The following DOCK3 variants were observed in gnomAD, a reference collection of about 807,000 sequenced individuals.
The protein encoded by DOCK3 is dedicator of cytokinesis 3, also known as dedicator of cytokinesis protein 3.
A neutral mutation model predicts 265.6 loss-of-function variants in DOCK3; 60 were observed. The ratio of observed to expected loss-of-function variants is 0.23; its 90% confidence interval spans 0.18 to 0.28. The LOEUF (loss-of-function observed/expected upper bound fraction) is 0.28, where lower values mean the gene tolerates loss of function less well. DOCK3 is among the 10% of genes least tolerant of loss of function. The pLI is 1.00. For missense variants in DOCK3, 1,981 were observed against 2,594.3 expected (o/e 0.76, Z 5.14); for synonymous variants, 881 against 938.0 (o/e 0.94, Z 1.11).
chr3:51,211,329 GA>G (rs1482884392), intron 13 of DOCK3, among the ~76,000 whole-genome samples: 1 of 152,004 alleles, frequency 6.6e-6, no homozygotes, highest in Non-Finnish European at 1.5e-5. Context: ...GATTAACAGA[GA>G]AATTGTATAG....
At chr3:51,192,444 A>G (rs1241386230) in intron 12 of DOCK3, among the ~76,000 whole-genome samples, 2 of 151,222 alleles carry the variant, frequency 1.3e-5, no homozygotes, top group East Asian at 2.0e-4. Context: ...ACAGATGCCA[A>G]TGCCTCACAA....
intron 1 of DOCK3, among the ~76,000 whole-genome samples, chr3:50,706,790 CT>C (rs112056809): frequency 1.3e-4 from 19 of 148,964 alleles, no homozygotes; most frequent in South Asian, 6.4e-4. Context: ...CTTTTATATT[CT>C]TTTTTTTTTG....
At chr3:50,919,062 G>C (rs1394066211) in intron 4 of DOCK3, among the ~76,000 whole-genome samples, 1 of 152,194 alleles carries the variant, frequency 6.6e-6, no homozygotes, top group African/African-American at 2.4e-5. Flanking sequence ...TCAAGGATCA[G>C]ATGGTTGTAG....
At chr3:50,685,367 A>G (rs924473591) in intron 1 of DOCK3, among the ~76,000 whole-genome samples, 4 of 152,222 alleles carry the variant, frequency 2.6e-5, no homozygotes, top group Non-Finnish European at 5.9e-5. Context: ...CTTGAGAGCA[A>G]TAAATCCTCT....
intron 2 of DOCK3, among the ~76,000 whole-genome samples, chr3:50,831,682 A>G (rs1374893708): frequency 1.3e-5 from 2 of 152,198 alleles, no homozygotes; most frequent in Non-Finnish European, 2.9e-5. Flanking sequence ...TAGTGCTGCA[A>G]TAAACATATG....
intron 23 of DOCK3, among the ~76,000 whole-genome samples, chr3:51,266,571 AT>A (rs1392833074): frequency 6.6e-6 from 1 of 152,240 alleles, no homozygotes; most frequent in African/African-American, 2.4e-5. Flanking sequence ...AAAAGAAGCA[AT>A]GGGGAAAGGA....
chr3:51,048,496 A>T (rs568020426), intron 5 of DOCK3, among the ~76,000 whole-genome samples: 1 of 152,248 alleles, frequency 6.6e-6, no homozygotes, highest in Non-Finnish European at 1.5e-5. Flanking sequence ...ATTTCTAAAC[A>T]TGAAATTCAC....
intron 2 of DOCK3, among the ~76,000 whole-genome samples, chr3:50,819,869 G>A (rs901264878): frequency 6.6e-6 from 1 of 152,210 alleles, no homozygotes; most frequent in African/African-American, 2.4e-5. Flanking sequence ...GGCTGAGGCA[G>A]GAGAATCGCT....
intron 1 of DOCK3, among the ~76,000 whole-genome samples, chr3:50,748,540 T>C (rs1169080695): frequency 6.6e-6 from 1 of 152,162 alleles, no homozygotes; most frequent in Non-Finnish European, 1.5e-5. Context: ...AAGTGCTTGT[T>C]GTTGGTAATG....
At chr3:51,375,866 G>C in intron 51 of DOCK3, 31 bp downstream of exon 51, 2 of 1,611,998 alleles carry the variant, frequency 1.2e-6, no homozygotes, top group Non-Finnish European at 1.7e-6. Flanking sequence ...TTCCCCCCAT[G>C]TCTGTCCCCA....
At chr3:51,088,856 T>C (rs1236135441) in intron 7 of DOCK3, among the ~76,000 whole-genome samples, 1 of 152,170 alleles carries the variant, frequency 6.6e-6, no homozygotes, top group Non-Finnish European at 1.5e-5. Context: ...GAGCCCTTTA[T>C]TGTTAAAGGC....
intron 1 of DOCK3, among the ~76,000 whole-genome samples, chr3:50,714,788 C>T (rs1221470409): frequency 6.6e-6 from 1 of 152,184 alleles, no homozygotes; most frequent in African/African-American, 2.4e-5. Context: ...TCCAACCAAT[C>T]AAGTATCTTT....
intron 5 of DOCK3, among the ~76,000 whole-genome samples, chr3:50,955,229 G>T (rs1317981105): frequency 6.6e-6 from 1 of 152,208 alleles, no homozygotes; most frequent in East Asian, 1.9e-4. Context: ...CTTACACACT[G>T]TTGGTGGGAG....
At chr3:51,229,745 C>T (rs959153800) in intron 19 of DOCK3, 136 bp downstream of exon 19, 1 of 533,292 alleles carries the variant, frequency 1.9e-6, no homozygotes. Context: ...TTGTTGTTAG[C>T]TTCCTTTTCC....
chr3:50,940,724 A>C (rs1055262337), intron 5 of DOCK3, among the ~76,000 whole-genome samples: 1 of 152,194 alleles, frequency 6.6e-6, no homozygotes, highest in Non-Finnish European at 1.5e-5. Context: ...GTACTGGCAG[A>C]GGGATAGACA....
intron 1 of DOCK3, among the ~76,000 whole-genome samples, chr3:50,684,551 A>G (rs2034643989): frequency 6.6e-6 from 1 of 152,182 alleles, no homozygotes; most frequent in African/African-American, 2.4e-5. Context: ...ACAGATTTTG[A>G]GTGGGAGCCT....
chr3:50,712,964 C>T (rs2036864768), intron 1 of DOCK3, among the ~76,000 whole-genome samples: 1 of 152,106 alleles, frequency 6.6e-6, no homozygotes, highest in Admixed American at 6.5e-5. Context: ...CAATGTTTTG[C>T]CCTTAATAAG....
chr3:50,948,414 T>TTC (rs1445178366), intron 5 of DOCK3, among the ~76,000 whole-genome samples: 1 of 145,148 alleles, frequency 6.9e-6, no homozygotes, highest in Admixed American at 6.9e-5. Flanking sequence ...TTTTTTTTTT[T>TTC]TTTTTTTTAG....
intron 9 of DOCK3, among the ~76,000 whole-genome samples, chr3:51,130,152 C>T (rs2084458473): frequency 2.0e-5 from 3 of 152,184 alleles, no homozygotes; most frequent in Admixed American, 1.3e-4. Flanking sequence ...TATTTCCCAT[C>T]CTCTGGCACA....
Sources: gnomAD v4.1 joint callset for allele counts (sites outside exome capture counted in the v4.1 genomes callset) on GRCh38, gnomAD v4.1.1 for gene constraint, MANE v1.5 for transcripts, NCBI Gene and HGNC (gene_info 2026-07-23, HGNC 2026-07-21) for gene names.